DAB1: variants seen among roughly 807,000 people sequenced by gnomAD.
The protein encoded by DAB1 is DAB adaptor protein 1.
A neutral mutation model predicts 64.6 loss-of-function variants in DAB1; 15 were observed. The ratio of observed to expected loss-of-function variants is 0.23; its 90% CI spans 0.16 to 0.36. The LOEUF (loss-of-function observed/expected upper bound fraction) is 0.36. DAB1 is among the 10% of genes least tolerant of loss of function. The probability of loss-of-function intolerance (pLI) is 1.00; values close to 1 mark genes in which losing one functional copy is unlikely to be tolerated. For missense variants in DAB1, 596 were observed against 706.7 expected, an observed-to-expected ratio of 0.84 and a Z score of 1.78; for synonymous variants, 235 against 251.9, an observed-to-expected ratio of 0.93 and a Z score of 0.64.
chr1:57,192,037 G>T (rs1006565886), intron 2 of DAB1, among the ~76,000 whole-genome samples: 1 of 152,050 alleles, frequency 6.6e-6, no homozygotes, highest in Non-Finnish European at 1.5e-5. Flanking sequence ...TGTGGCTAAG[G>T]CTGGGCACGA....
At chr1:58,307,617 C>T (rs1180710693) in intron 4 of DAB1, among the ~76,000 whole-genome samples, 1 of 152,040 alleles carries the variant, frequency 6.6e-6, no homozygotes, top group Admixed American at 6.6e-5. Context: ...CAGCTGTAGT[C>T]CCTGTCTCAG....
intron 4 of DAB1, among the ~76,000 whole-genome samples, chr1:58,162,204 T>A (rs887090550): frequency 6.6e-6 from 1 of 152,252 alleles, no homozygotes; most frequent in South Asian, 2.1e-4. Flanking sequence ...GATATTCTTA[T>A]CATGCCAAAG....
intron 2 of DAB1, among the ~76,000 whole-genome samples, chr1:57,265,536 G>A (rs945585947): frequency 6.6e-6 from 1 of 151,976 alleles, no homozygotes; most frequent in African/African-American, 2.4e-5. Context: ...TCCTCAATCT[G>A]GCTCTTCTTA....
At position 57,963,460 on chromosome 1, in the gene DAB1, T is replaced by A. The variant is rs528352637; in HGVS notation, n.388-79298A>T. 5.3e-5 allele frequency among the ~76,000 whole-genome samples: 8 copies of A among 152,314 alleles called. No homozygotes were observed. In the East Asian group the frequency reaches 9.6e-4, roughly 18 times the overall value. Reference sequence around the variant, plus strand: ...ACGGTGCACCGTTATTCTCTCTCCATCTGTTTGTCTCTCTTGCTAATCTGT... The same window carrying A: ...ACGGTGCACCGTTATTCTCTCTCCAACTGTTTGTCTCTCTTGCTAATCTGT... On this transcript the variant is annotated intron_variant and non_coding_transcript_variant, in intron 5 of 20. Transcript: ENST00000485760.
At chr1:57,162,219 G>A (rs952608623) in intron 2 of DAB1, among the ~76,000 whole-genome samples, 5 of 152,196 alleles carry the variant, frequency 3.3e-5, no homozygotes, top group Non-Finnish European at 7.3e-5. Context: ...AGACAAATGT[G>A]TGAAAACAAA....
intron 1 of DAB1, among the ~76,000 whole-genome samples, chr1:57,831,435 A>G (rs190734149): frequency 6.6e-6 from 1 of 152,206 alleles, no homozygotes; most frequent in East Asian, 1.9e-4. Flanking sequence ...CAAGTGAATT[A>G]CTGAAAGCAT....
At chr1:58,170,729 C>T (rs192903104) in intron 4 of DAB1, among the ~76,000 whole-genome samples, 45 of 152,214 alleles carry the variant, frequency 3.0e-4, no homozygotes, top group East Asian at 1.9e-3. Flanking sequence ...TCTGCCCCCT[C>T]GTCCATGTCT....
chr1:57,671,650 T>C (rs145440120), intron 6 of DAB1, among the ~76,000 whole-genome samples: 1 of 152,220 alleles, frequency 6.6e-6, no homozygotes, highest in Non-Finnish European at 1.5e-5. Context: ...ATAAGGCCTA[T>C]GCACCTTTGC....
chr1:57,469,119 G>A (rs1376663320), intron 7 of DAB1, among the ~76,000 whole-genome samples: 1 of 152,170 alleles, frequency 6.6e-6, no homozygotes, highest in Non-Finnish European at 1.5e-5. Flanking sequence ...GGTAAAATGT[G>A]GTAAAATGGA....
At chr1:57,414,412 G>A (rs1684341188) in intron 1 of DAB1, among the ~76,000 whole-genome samples, 1 of 152,174 alleles carries the variant, frequency 6.6e-6, no homozygotes, top group African/African-American at 2.4e-5. Context: ...GCATATGTGA[G>A]CAATAAAGTA....
chr1:58,263,273 T>G (rs1016230009), intron 4 of DAB1, among the ~76,000 whole-genome samples: 2 of 152,198 alleles, frequency 1.3e-5, no homozygotes, highest in African/African-American at 4.8e-5. Flanking sequence ...TAATAGTAAT[T>G]GATGATAGCC....
At chr1:57,760,441 G>C (rs536446952) in intron 6 of DAB1, among the ~76,000 whole-genome samples, 10 of 152,138 alleles carry the variant, frequency 6.6e-5, no homozygotes, top group Non-Finnish European at 1.3e-4. Flanking sequence ...TCTGGAAACA[G>C]AAGATGAATG....
At chr1:58,466,040 C>G (rs1645292972) in intron 3 of DAB1, among the ~76,000 whole-genome samples, 1 of 152,164 alleles carries the variant, frequency 6.6e-6, no homozygotes, top group Non-Finnish European at 1.5e-5. Flanking sequence ...CTCAGATACC[C>G]AGCTTCAGGG....
At chr1:57,922,933 T>G (rs1296501314) in intron 5 of DAB1, among the ~76,000 whole-genome samples, 1 of 151,866 alleles carries the variant, frequency 6.6e-6, no homozygotes, top group African/African-American at 2.4e-5. Context: ...ACTACAGCTC[T>G]TTTCTATTCC....
chr1:57,327,780 G>A (rs1676298563), intron 1 of DAB1, among the ~76,000 whole-genome samples: 2 of 152,130 alleles, frequency 1.3e-5, no homozygotes, highest in African/African-American at 4.8e-5. Context: ...CTTGAGATTT[G>A]AGCGGCCAAA....
chr1:57,095,261 C>G (rs887421314), intron 4 of DAB1, among the ~76,000 whole-genome samples: 4 of 152,164 alleles, frequency 2.6e-5, no homozygotes, highest in Non-Finnish European at 5.9e-5. Flanking sequence ...GGCAAGCGCC[C>G]TTTGTGTCTT....
At chr1:58,527,252 A>C in intron 2 of DAB1, 1 of 872,104 alleles carries the variant, frequency 1.1e-6, no homozygotes, top group Non-Finnish European at 2.0e-6. Context: ...CAACTACTAA[A>C]CACTTTACCT....
intron 5 of DAB1, among the ~76,000 whole-genome samples, chr1:57,980,713 TGCAATGGG>T (rs1332783012): frequency 6.6e-6 from 1 of 152,178 alleles, no homozygotes; most frequent in Non-Finnish European, 1.5e-5. Flanking sequence ...TGGCATATGA[TGCAATGGG>T]GCAGTTTTAT....
At chr1:57,228,579 T>A (rs573602369) in intron 2 of DAB1, among the ~76,000 whole-genome samples, 1 of 152,352 alleles carries the variant, frequency 6.6e-6, no homozygotes, top group East Asian at 1.9e-4. Flanking sequence ...ACTAAATGAT[T>A]TAATTATTGC....
Sources: gnomAD v4.1 joint callset for allele counts (sites outside exome capture counted in the v4.1 genomes callset) on GRCh38, gnomAD v4.1.1 for gene constraint, MANE v1.5 for transcripts, NCBI Gene and HGNC (gene_info 2026-07-23, HGNC 2026-07-21) for gene names.